The following CACNA1B variants were observed in gnomAD, a reference collection of about 807,000 sequenced individuals.
CACNA1B encodes calcium voltage-gated channel subunit alpha1 B.
Under a neutral mutation model 247.2 loss-of-function variants are expected in CACNA1B, and 70 were observed. The ratio of observed to expected loss-of-function variants is 0.28; its 90% CI spans 0.23 to 0.35. The LOEUF (loss-of-function observed/expected upper bound fraction) is 0.35. CACNA1B is among the 10% of genes least tolerant of loss of function. The pLI is 1.00. For synonymous variants in CACNA1B, 1,231 were observed against 1,294.4 expected, an observed-to-expected ratio of 0.95 and a Z score of 1.05; for missense variants, 2,367 against 3,197.4, an observed-to-expected ratio of 0.74 and a Z score of 6.26.
rs539626711 is a variant in CACNA1B at position 138,058,940 on chromosome 9, C to T, written c.4474-139C>T. ...ACAGTGGGGAGGTTCTGGGAGGACTCGGGGAGAGCAGGAAGGGGTGTCCCA... is the reference window on the plus strand; with the variant it reads ...ACAGTGGGGAGGTTCTGGGAGGACTTGGGGAGAGCAGGAAGGGGTGTCCCA... On this transcript the variant is annotated intron_variant, in intron 29 of 46. Coordinates refer to ENST00000371372, the MANE Select transcript of CACNA1B (RefSeq NM_000718.4). This position sits in a 1 kb window ranked among gnomAD's most constrained non-coding sequence, Gnocchi z 4.7. 87 of 712,870 alleles carry T rather than the reference C, an allele frequency of 1.2e-4. No individual in the cohort carries two copies. Among genetic ancestry groups the T allele is most frequent in the Middle Eastern group, 3.4e-4 (1 of 2,976 alleles). The allele number at this position is 712,870 out of a possible 1,614,324, so 44.2% of individuals were successfully genotyped here.
intron 20 of CACNA1B, among the ~76,000 whole-genome samples, chr9:138,039,197 A>AAAAAAAT (rs1290984654): frequency 1.3e-5 from 2 of 151,888 alleles, no homozygotes; most frequent in Non-Finnish European, 2.9e-5. Context: ...CTCCGTCTCA[A>AAAAAAAT]AAAAAATAAA....
chr9:137,903,122 G>A (rs1388320152), intron 3 of CACNA1B, among the ~76,000 whole-genome samples: 7 of 152,112 alleles, frequency 4.6e-5, no homozygotes, highest in Middle Eastern at 3.2e-3. Flanking sequence ...GGTGGCTCAC[G>A]CCTGTAATTC....
At position 137,957,514 on chromosome 9, in the gene CACNA1B, G is replaced by T; in HGVS notation, c.1244-84G>T. The T allele has an allele frequency of 4.1e-6, 4 of 985,332 alleles. No homozygotes were observed. The highest frequency in any genetic ancestry group is 5.9e-6 in the Non-Finnish European group (4 of 676,312). 61.0% of individuals were successfully genotyped at this position (985,332 alleles called of 1,614,324 possible). A position where few individuals can be genotyped will look rare whatever the true frequency, so the allele number is the denominator to read the frequency against. On this transcript the variant is annotated intron_variant, in intron 9 of 46. Coordinates refer to ENST00000371372, the MANE Select transcript of CACNA1B (RefSeq NM_000718.4). The surrounding 1 kb of genome is among the most constrained non-coding windows in gnomAD (Gnocchi z 4.7). ...CTCAGGAGAGGTCACTGGTCCCAGG[G>T]GGAGGGTGATCCCATGCCCCGCTGA...
rs77641565 is a variant in CACNA1B at position 138,121,688 on chromosome 9, G to A, written c.6709G>A (p.Ala2237Thr). The A allele has an allele frequency of 2.9e-4, 475 of 1,612,976 alleles. No individual in the cohort carries two copies. Among genetic ancestry groups the A allele is most frequent in the Admixed American group, 3.7e-4 (22 of 59,976 alleles). ...CAGCCGTGGGCTTTCCGAACACAAC[G>A]CCCTGCTGCAGAGAGACCCCCTCAG... ...RLSRGLSEHN[A>T]LLQRDPLSQP... Residue 2237 changes from alanine (A) to threonine (T), a missense_variant, in exon 47 of 47, where the codon GCC (alanine) becomes ACC (threonine). Ala to Thr is a moderately conservative substitution (Grantham distance 58, BLOSUM62 0). Coordinates refer to ENST00000371372, the MANE Select transcript of CACNA1B (RefSeq NM_000718.4). The surrounding 1 kb of genome is among the most constrained non-coding windows in gnomAD (Gnocchi z 6.8).
chr9:137,909,093 C>T (rs1054449231), intron 3 of CACNA1B, among the ~76,000 whole-genome samples: 2 of 151,458 alleles, frequency 1.3e-5, no homozygotes, highest in East Asian at 2.0e-4. Flanking sequence ...TGGGTTCCAG[C>T]GATTCTCCCA....
At chr9:137,883,907 T>C (rs1429148971) in intron 3 of CACNA1B, among the ~76,000 whole-genome samples, 1 of 150,190 alleles carries the variant, frequency 6.7e-6, no homozygotes, top group Admixed American at 6.6e-5. Context: ...GGAGGGTATA[T>C]GGAGGGGTGT....
intron 6 of CACNA1B, among the ~76,000 whole-genome samples, chr9:137,937,640 A>G (rs377243314): frequency 9.2e-5 from 14 of 152,276 alleles, no homozygotes; most frequent in African/African-American, 3.4e-4. Context: ...TTGTCATCAT[A>G]TTATCTAAAG....
At position 137,891,490 on chromosome 9, in the gene CACNA1B, C is replaced by T. The variant is rs574682812; in HGVS notation, c.530+8607C>T. The T allele has an allele frequency of 1.0e-4, 16 of 158,354 alleles. No individual in the cohort carries two copies. The highest frequency in any genetic ancestry group is 1.9e-4 in the South Asian group (1 of 5,140). 9.8% of individuals were successfully genotyped at this position (158,354 alleles called of 1,614,324 possible). On this transcript the variant is annotated intron_variant, in intron 3 of 46. Transcript: ENST00000371372. This position sits in a 1 kb window ranked among gnomAD's most constrained non-coding sequence, Gnocchi z 4.3. ...CGAGGATGGCTAGGCTGGTGTGGTG[C>T]GGTGGCTGGGGGACAGGGGACCTGC...
At chr9:138,101,650 G>A (rs1414848940) in intron 37 of CACNA1B, among the ~76,000 whole-genome samples, 4 of 152,252 alleles carry the variant, frequency 2.6e-5, no homozygotes, top group Admixed American at 6.5e-5. Flanking sequence ...CCTGGGGGAG[G>A]AAAGGGCAGA....
chr9:137,991,147 G>C (rs563939322), intron 15 of CACNA1B, among the ~76,000 whole-genome samples: 1 of 152,294 alleles, frequency 6.6e-6, no homozygotes, highest in South Asian at 2.1e-4. Context: ...AATCAAGGAG[G>C]TACCAGAGAA....
At chr9:137,927,309 G>A (rs1170380125) in intron 6 of CACNA1B, among the ~76,000 whole-genome samples, 2 of 149,814 alleles carry the variant, frequency 1.3e-5, no homozygotes, top group East Asian at 2.0e-4. Flanking sequence ...AATGGAACCC[G>A]CCTCCTGGGT....
intron 10 of CACNA1B, among the ~76,000 whole-genome samples, chr9:137,969,867 C>T (rs950328599): frequency 2.0e-5 from 3 of 152,140 alleles, no homozygotes; most frequent in African/African-American, 7.2e-5. Flanking sequence ...TGCACACCTG[C>T]CTCCCTCCTG....
At chr9:138,016,747 C>A (rs10780198) in intron 18 of CACNA1B, among the ~76,000 whole-genome samples, 47,239 of 151,524 alleles carry the variant, frequency 0.31, 9,942 homozygotes, top group East Asian at 0.65. Context: ...GCCGGGAGAC[C>A]GTGCAGTCAG....
rs1958737238 is a variant in CACNA1B, at chr9:138,012,523, C to A, written c.2161-606C>A. Among the ~76,000 whole-genome samples, 1 of 151,962 alleles carries A rather than the reference C, an allele frequency of 6.6e-6. No homozygotes were observed. Among genetic ancestry groups the A allele is most frequent in the Non-Finnish European group, 1.5e-5 (1 of 67,992 alleles). On this transcript the variant is annotated intron_variant, in intron 17 of 46. Transcript: ENST00000371372. The surrounding 1 kb of genome is among the most constrained non-coding windows in gnomAD (Gnocchi z 4.2). ...CTTTGGGAGGCCGAGGTGGGAGGAT[C>A]ACTTGAGCCTAGGAATTCAAGAAAA...
At chr9:138,077,873 G>T (rs1960381607) in intron 35 of CACNA1B, among the ~76,000 whole-genome samples, 2 of 152,340 alleles carry the variant, frequency 1.3e-5, no homozygotes, top group Middle Eastern at 3.4e-3. Flanking sequence ...GCTCGCCCTG[G>T]CGCTGGCCCC....
intron 6 of CACNA1B, among the ~76,000 whole-genome samples, chr9:137,936,211 T>A (rs1225213588): frequency 6.6e-6 from 1 of 152,244 alleles, no homozygotes; most frequent in Non-Finnish European, 1.5e-5. Flanking sequence ...GGTATCTCAT[T>A]GTGGTTTTGA....
chr9:138,069,318 G>A (rs887575197), intron 31 of CACNA1B, among the ~76,000 whole-genome samples: 2 of 152,098 alleles, frequency 1.3e-5, no homozygotes, highest in African/African-American at 2.4e-5. Flanking sequence ...CCCAGAGAGA[G>A]GGCTCCAAGC....
intron 21 of CACNA1B, among the ~76,000 whole-genome samples, chr9:138,044,601 G>A (rs1959168702): frequency 6.6e-6 from 1 of 152,254 alleles, no homozygotes; most frequent in African/African-American, 2.4e-5. Context: ...CTTCTGGGGT[G>A]AGACTGGAGC....
chr9:137,985,600 G>A (rs1958349076), intron 13 of CACNA1B, among the ~76,000 whole-genome samples: 3 of 152,224 alleles, frequency 2.0e-5, no homozygotes, highest in Admixed American at 2.0e-4. Context: ...TGATGTGGGC[G>A]CCAGGGAGAA....
Sources: allele counts gnomAD v4.1 joint callset (sites outside exome capture counted in the v4.1 genomes callset), GRCh38; gene constraint gnomAD v4.1.1; non-coding constraint Gnocchi (gnomAD v3.1); transcripts MANE v1.5; gene names NCBI Gene and HGNC (gene_info 2026-07-23, HGNC 2026-07-21).